Variants in ZDHHC2 observed in about 807,000 individuals in gnomAD.
ZDHHC2 encodes zDHHC palmitoyltransferase 2.
A neutral mutation model predicts 55.6 loss-of-function variants in ZDHHC2; 51 were observed. The ratio of observed to expected loss-of-function variants is 0.92; its 90% CI spans 0.73 to 1.16. ZDHHC2 has a LOEUF of 1.16. Ranked by LOEUF, ZDHHC2 falls within the 50% of genes most tolerant of loss-of-function variation. The pLI is 0.00. For missense variants in ZDHHC2, 491 were observed against 442.4 expected (o/e 1.11, Z -0.99); for synonymous variants, 199 against 152.9 (o/e 1.30, Z -2.22).
intron 1 of ZDHHC2, among the ~76,000 whole-genome samples, chr8:17,160,319 C>G (rs1804273443): frequency 6.6e-6 from 1 of 152,174 alleles, no homozygotes; most frequent in Non-Finnish European, 1.5e-5. Flanking sequence ...CTTTCCTGCT[C>G]CTTAGGCAGG....
At chr8:17,210,103 A>T (rs1476440294) in intron 9 of ZDHHC2, 45 bp downstream of exon 9, 6 of 1,550,210 alleles carry the variant, frequency 3.9e-6, no homozygotes, top group Admixed American at 2.0e-5. Context: ...AATGAAAATA[A>T]TACAGCAAAA....
Position 17,210,418 on chromosome 8 carries a change from C to G in ZDHHC2, c.888C>G (p.Cys296Trp), listed in dbSNP as rs1585735927. ...SLGDGCSFPT[C>W]LVNQDPEQAS... ...GTGATGGCTGCTCCTTTCCAACTTGCCTTGTTAACCAGGATCCTGAACAAG... is the reference window on the plus strand; with the variant it reads ...GTGATGGCTGCTCCTTTCCAACTTGGCTTGTTAACCAGGATCCTGAACAAG... Residue 296 changes from cysteine to tryptophan, a missense_variant, in exon 10 of 13, where the codon TGC becomes TGG. Cys to Trp is a radical substitution (Grantham distance 215, BLOSUM62 -2). Coordinates refer to ENST00000262096, the MANE Select transcript of ZDHHC2 (RefSeq NM_016353.5). 1 of 1,613,246 alleles carries G rather than the reference C, an allele frequency of 6.2e-7. No individual in the cohort carries two copies. Among genetic ancestry groups the G allele is most frequent in the Non-Finnish European group, 8.5e-7 (1 of 1,179,548 alleles).
At chr8:17,191,685 A>C (rs1415512287) in intron 3 of ZDHHC2, among the ~76,000 whole-genome samples, 1 of 152,212 alleles carries the variant, frequency 6.6e-6, no homozygotes, top group Non-Finnish European at 1.5e-5. Flanking sequence ...CCATTGTGTA[A>C]GTAAACACCA....
At chr8:17,212,542 C>G (rs1049498529) in intron 10 of ZDHHC2, among the ~76,000 whole-genome samples, 33 of 152,276 alleles carry the variant, frequency 2.2e-4, no homozygotes, top group African/African-American at 7.9e-4. Flanking sequence ...TATCTATAAT[C>G]TGAATACTTT....
intron 1 of ZDHHC2, among the ~76,000 whole-genome samples, chr8:17,172,669 C>T (rs1396016516): frequency 6.6e-6 from 1 of 152,150 alleles, no homozygotes; most frequent in Non-Finnish European, 1.5e-5. Flanking sequence ...GGATTAAGAG[C>T]TACCAACCAG....
chr8:17,168,897 G>A (rs879523502), intron 1 of ZDHHC2, among the ~76,000 whole-genome samples: 7 of 152,020 alleles, frequency 4.6e-5, no homozygotes, highest in Non-Finnish European at 8.8e-5. Context: ...ATAATATTTC[G>A]TGGCATGTAT....
intron 6 of ZDHHC2, among the ~76,000 whole-genome samples, chr8:17,203,886 C>T (rs544385106): frequency 3.3e-5 from 5 of 150,636 alleles, no homozygotes; most frequent in African/African-American, 7.3e-5. Flanking sequence ...CAGCTCACTG[C>T]ACCCTCCACC....
At chr8:17,174,522 C>G (rs1805029896) in intron 1 of ZDHHC2, among the ~76,000 whole-genome samples, 1 of 152,082 alleles carries the variant, frequency 6.6e-6, no homozygotes, top group Non-Finnish European at 1.5e-5. Flanking sequence ...CCTTAACACA[C>G]AGTCACTAGT....
intron 4 of ZDHHC2, among the ~76,000 whole-genome samples, chr8:17,196,172 A>G (rs746061826): frequency 3.0e-4 from 46 of 152,208 alleles, no homozygotes; most frequent in African/African-American, 1.1e-3. Flanking sequence ...ACAACTATCC[A>G]CTTAAACAGT....
Position 17,222,933 on chromosome 8 carries a change from TAGAAAC to T in ZDHHC2, c.*2716_*2721del, listed in dbSNP as rs1175933561. 2.0e-5 allele frequency: 3 copies of T among 151,834 alleles called. No homozygotes were observed. Among genetic ancestry groups the T allele is most frequent in the South Asian group, 2.1e-4 (1 of 4,830 alleles). The allele number at this position is 151,834 out of a possible 1,614,324, so 9.4% of individuals were successfully genotyped here. A position where few individuals can be genotyped will look rare whatever the true frequency, so the allele number is the denominator to read the frequency against. ...GTAGTTAAGTGATTCTGAGGACAAT[TAGAAAC>T]AGACTATAAAACTCAACTACACTGT... On this transcript the variant is annotated 3_prime_UTR_variant, in exon 13 of 13. Coordinates refer to ENST00000262096, the MANE Select transcript of ZDHHC2 (RefSeq NM_016353.5).
chr8:17,211,572 C>A (rs1807386671), intron 10 of ZDHHC2, among the ~76,000 whole-genome samples: 1 of 152,158 alleles, frequency 6.6e-6, no homozygotes, highest in Admixed American at 6.5e-5. Context: ...TCACTGCAGC[C>A]ATGACCGCCC....
chr8:17,161,279 T>C (rs1002862819), intron 1 of ZDHHC2, among the ~76,000 whole-genome samples: 1 of 152,208 alleles, frequency 6.6e-6, no homozygotes, highest in African/African-American at 2.4e-5. Context: ...TGTTATTGAT[T>C]TTAAACTGTT....
chr8:17,219,885 T>C (rs992205119), intron 12 of ZDHHC2, among the ~76,000 whole-genome samples: 1 of 152,168 alleles, frequency 6.6e-6, no homozygotes, highest in Admixed American at 6.5e-5. Context: ...CTAAACTCCA[T>C]TCAGCCTCAG....
chr8:17,193,786 T>C (rs1379586634), intron 3 of ZDHHC2, among the ~76,000 whole-genome samples: 2 of 152,314 alleles, frequency 1.3e-5, no homozygotes, highest in East Asian at 1.9e-4. Flanking sequence ...TTTTTTATTA[T>C]ACTTTAAGTT....
At chr8:17,201,084 A>T (rs1310842670) in intron 6 of ZDHHC2, among the ~76,000 whole-genome samples, 1 of 152,208 alleles carries the variant, frequency 6.6e-6, no homozygotes, top group Non-Finnish European at 1.5e-5. Flanking sequence ...AGTTTTAAAT[A>T]AAAAAGTCTA....
At chr8:17,177,297 G>T (rs917706545) in intron 1 of ZDHHC2, among the ~76,000 whole-genome samples, 13 of 152,144 alleles carry the variant, frequency 8.5e-5, no homozygotes, top group African/African-American at 3.1e-4. Context: ...GTAAAAGGAG[G>T]TTGGGGGTAG....
chr8:17,210,332 G>T (rs922855357), intron 9 of ZDHHC2, 56 bp from the exon 10 acceptor site: 5 of 1,546,772 alleles, frequency 3.2e-6, no homozygotes, highest in South Asian at 1.2e-5. Flanking sequence ...TTTTGGCAGG[G>T]TTTCACTCCG....
intron 6 of ZDHHC2, among the ~76,000 whole-genome samples, chr8:17,198,940 G>A (rs1806468096): frequency 6.6e-6 from 1 of 152,130 alleles, no homozygotes; most frequent in Admixed American, 6.5e-5. Flanking sequence ...ACGAAATCAG[G>A]TAATTTAACA....
At chr8:17,160,458 G>A (rs764637860) in intron 1 of ZDHHC2, among the ~76,000 whole-genome samples, 1 of 152,184 alleles carries the variant, frequency 6.6e-6, no homozygotes, top group Non-Finnish European at 1.5e-5. Flanking sequence ...AACCCCTTCT[G>A]TATTTTTAAA....
Sources: gnomAD v4.1 joint callset for allele counts (sites outside exome capture counted in the v4.1 genomes callset) on GRCh38, gnomAD v4.1.1 for gene constraint, MANE v1.5 for transcripts, NCBI Gene and HGNC (gene_info 2026-07-23, HGNC 2026-07-21) for gene names.